MYO3B: variants seen among roughly 807,000 people sequenced by gnomAD.
MYO3B encodes the protein myosin IIIB.
MYO3B carries 156 observed loss-of-function variants against 174.6 expected under a neutral mutation model. That is an observed-to-expected ratio of 0.89 (90% CI 0.78 to 1.02). The LOEUF (loss-of-function observed/expected upper bound fraction) is 1.02. Among genes scored for constraint, MYO3B ranks in the 50% least tolerant of loss-of-function variants. MYO3B has a pLI of 0.00. For missense variants in MYO3B, 1,632 were observed against 1,639.4 expected (o/e 1.00, Z 0.08); for synonymous variants, 563 against 569.1 (o/e 0.99, Z 0.15).
In MYO3B at chr2:170,517,369, G is replaced by T. The variant is rs570532668; in HGVS notation, c.3473-2069G>T. ...TAGCTGGGGGCATTTGCTGAACCAGGTAAAGATATTGCTTCCTCTCGTTCT... is the reference window on the plus strand; with the variant it reads ...TAGCTGGGGGCATTTGCTGAACCAGTTAAAGATATTGCTTCCTCTCGTTCT... On this transcript the variant is annotated intron_variant, in intron 29 of 34. Transcript: ENST00000408978. 5.3e-5 allele frequency among the ~76,000 whole-genome samples: 8 copies of T among 152,280 alleles called. No individual in the cohort carries two copies. In the South Asian group the frequency reaches 1.7e-3, roughly 32 times the overall value.
chr2:170,598,210 A>G (rs912966733), intron 32 of MYO3B, among the ~76,000 whole-genome samples: 3 of 152,232 alleles, frequency 2.0e-5, no homozygotes, highest in Non-Finnish European at 4.4e-5. Flanking sequence ...GAGAAAACGC[A>G]GTGCTCCTGG....
chr2:170,621,215 A>G (rs1695889662), intron 32 of MYO3B, among the ~76,000 whole-genome samples: 1 of 152,160 alleles, frequency 6.6e-6, no homozygotes, highest in Non-Finnish European at 1.5e-5. Flanking sequence ...TTGAAAAGAT[A>G]GTCCAGGACA....
intron 8 of MYO3B, among the ~76,000 whole-genome samples, chr2:170,368,777 C>T (rs2094217314): frequency 6.6e-6 from 1 of 152,160 alleles, no homozygotes; most frequent in Non-Finnish European, 1.5e-5. Context: ...GATGCCTTTT[C>T]CCTGCCGGTA....
chr2:170,627,549 T>C (rs542365719), intron 32 of MYO3B, among the ~76,000 whole-genome samples: 1,990 of 152,262 alleles, frequency 0.013, 9 homozygotes, highest in Non-Finnish European at 0.019. Context: ...CTTCTCTCAA[T>C]TCGTCAAAGT....
chr2:170,569,925 C>T (rs1233752988), intron 32 of MYO3B, among the ~76,000 whole-genome samples: 3 of 151,732 alleles, frequency 2.0e-5, no homozygotes, highest in African/African-American at 7.3e-5. Context: ...CTTCTATTCC[C>T]TAAATCCTAG....
At position 170,206,066 on chromosome 2, in the gene MYO3B, G is replaced by C. The variant is rs1423671402; in HGVS notation, c.321+5782G>C. Among the ~76,000 whole-genome samples the C allele has an allele frequency of 6.6e-6, 1 of 151,912 alleles. No homozygotes were observed. Among genetic ancestry groups the C allele is most frequent in the Non-Finnish European group, 1.5e-5 (1 of 67,994 alleles). On this transcript the variant is annotated intron_variant, in intron 3 of 34. Transcript: ENST00000408978. The surrounding 1 kb of genome is among the most constrained non-coding windows in gnomAD (Gnocchi z 4.3). ...CTCCATCTCCCTGCCCCAGGATTCT[G>C]GCATCCTTTGTCCCAACAGTAGTAG...
At chr2:170,469,235 A>G (rs13028497) in intron 25 of MYO3B, among the ~76,000 whole-genome samples, 128,149 of 152,174 alleles carry the variant, frequency 0.84, 56,933 homozygotes, top group Non-Finnish European at 0.99. Flanking sequence ...AGTCTCCTTC[A>G]GTATATAACA....
intron 3 of MYO3B, among the ~76,000 whole-genome samples, chr2:170,207,161 C>T (rs991888067): frequency 6.6e-6 from 1 of 152,010 alleles, no homozygotes; most frequent in Non-Finnish European, 1.5e-5. Context: ...ATTATCATTA[C>T]CCGCTTACAC....
chr2:170,634,204 C>T (rs192360807), intron 32 of MYO3B, among the ~76,000 whole-genome samples: 81 of 152,242 alleles, frequency 5.3e-4, no homozygotes, highest in East Asian at 3.7e-3. Flanking sequence ...ATCACGCTAC[C>T]GGACTTCAAA....
At chr2:170,443,914 T>A (rs767407506) in intron 22 of MYO3B, 53 bp from the exon 23 acceptor site, 3 of 1,460,270 alleles carry the variant, frequency 2.1e-6, no homozygotes, top group African/African-American at 1.4e-5. Context: ...TTACTCATGA[T>A]CCTATTTCTT....
At chr2:170,574,936 T>G (rs1692695261) in intron 32 of MYO3B, among the ~76,000 whole-genome samples, 2 of 152,110 alleles carry the variant, frequency 1.3e-5, no homozygotes, top group African/African-American at 4.8e-5. Flanking sequence ...CCCCTTTCAC[T>G]TACCCTCCCC....
intron 32 of MYO3B, among the ~76,000 whole-genome samples, chr2:170,573,467 A>G (rs776771735): frequency 6.6e-6 from 1 of 152,154 alleles, no homozygotes; most frequent in Non-Finnish European, 1.5e-5. Context: ...CAATTCCATT[A>G]TAAGTCTAGG....
At chr2:170,588,333 G>A (rs756445636) in intron 32 of MYO3B, among the ~76,000 whole-genome samples, 3 of 152,162 alleles carry the variant, frequency 2.0e-5, no homozygotes, top group Non-Finnish European at 4.4e-5. Flanking sequence ...TAGCTACTCA[G>A]GAGGCTGAGG....
At chr2:170,252,222 T>C (rs1464251834) in intron 7 of MYO3B, among the ~76,000 whole-genome samples, 1 of 152,202 alleles carries the variant, frequency 6.6e-6, no homozygotes, top group Non-Finnish European at 1.5e-5. Flanking sequence ...CACTTCAGTG[T>C]CTATTAAAAA....
chr2:170,437,407 A>G (rs1037862585), intron 22 of MYO3B, among the ~76,000 whole-genome samples: 1 of 152,132 alleles, frequency 6.6e-6, no homozygotes, highest in Non-Finnish European at 1.5e-5. Flanking sequence ...CATAAAATCT[A>G]GGAAGGTTTT....
chr2:170,180,675 T>G (rs1574531789), intron 1 of MYO3B, among the ~76,000 whole-genome samples: 1 of 152,130 alleles, frequency 6.6e-6, no homozygotes, highest in African/African-American at 2.4e-5. Flanking sequence ...AAAAAGCATA[T>G]AAATTTCTCT....
At chr2:170,451,772 G>C (rs1683605993) in intron 23 of MYO3B, among the ~76,000 whole-genome samples, 1 of 152,154 alleles carries the variant, frequency 6.6e-6, no homozygotes, top group Non-Finnish European at 1.5e-5. Flanking sequence ...CTTCAGGGTG[G>C]AGCCCTTGGA....
chr2:170,252,730 G>T lies in MYO3B; in HGVS notation c.749+16594G>T, dbSNP rs73975592. Among the ~76,000 whole-genome samples the T allele has an allele frequency of 1.0e-3, 153 of 152,312 alleles. 1 individual carries two copies. The highest frequency in any genetic ancestry group is 3.5e-3 in the African/African-American group (145 of 41,566). On this transcript the variant is annotated intron_variant, in intron 7 of 34. Coordinates refer to ENST00000408978, the MANE Select transcript of MYO3B (RefSeq NM_138995.5). ...AAGAGAATACAGAGTGACAGTTGGG[G>T]TGGGGTTTGTTATATAATGTGCTGA...
At chr2:170,525,794 C>G (rs1021516855) in intron 30 of MYO3B, among the ~76,000 whole-genome samples, 1 of 152,204 alleles carries the variant, frequency 6.6e-6, no homozygotes, top group African/African-American at 2.4e-5. Context: ...GTCAGCAGGG[C>G]CGACTGTGGG....
Sources: gnomAD v4.1 joint callset for allele counts (sites outside exome capture counted in the v4.1 genomes callset) on GRCh38, gnomAD v4.1.1 for gene constraint, Gnocchi (gnomAD v3.1) non-coding constraint, MANE v1.5 for transcripts, NCBI Gene and HGNC (gene_info 2026-07-23, HGNC 2026-07-21) for gene names.